The following NCSTN variants were observed in gnomAD, a reference collection of about 807,000 sequenced individuals.
NCSTN encodes nicastrin, also known as anterior pharynx-defective 2.
In NCSTN, 22 loss-of-function variants were observed where a neutral mutation model predicts 87.0. The observed-to-expected ratio is 0.25, with a 90% CI of 0.18 to 0.36. The LOEUF is 0.36. Among genes scored for constraint, NCSTN ranks in the 10% least tolerant of loss-of-function variants. The pLI is 1.00. For synonymous variants in NCSTN, 306 were observed against 327.1 expected, an observed-to-expected ratio of 0.94 and a Z score of 0.69; for missense variants, 693 against 883.3, an observed-to-expected ratio of 0.78 and a Z score of 2.73.
At position 160,356,286 on chromosome 1, in the gene NCSTN, G is replaced by C. The variant is rs773105216; in HGVS notation, c.1578G>C (p.Leu526=). Residue 526 remains leucine, a synonymous_variant, in exon 14 of 17, where the codon CTG becomes CTC. Transcript: ENST00000294785. ...TTACCCGCCTGCTCTATGGGTTCCT[G>C]ATTAAAGCCAACAACTCATGGTTCC... ...QTVTRLLYGF[L]IKANNSWFQS... The C allele has an allele frequency of 6.8e-6, 11 of 1,613,658 alleles. No individual in the cohort carries two copies. The South Asian group carries it at 1.2e-4, about 18-fold the overall frequency.
intron 1 of NCSTN, chr1:160,343,923 C>T: frequency 3.4e-6 from 1 of 294,524 alleles, no homozygotes; most frequent in South Asian, 2.8e-5. Flanking sequence ...TTGATTACAT[C>T]CTAAGTCTGT....
chr1:160,349,677 G>C lies in NCSTN; in HGVS notation c.436+7G>C, dbSNP rs772908757. The C allele has an allele frequency of 3.1e-6, 5 of 1,613,456 alleles. No homozygotes were observed. The East Asian group carries it at 1.1e-4, about 36-fold the overall frequency. ...TGCCCAAATGATGGGTTTGGTAAGTGTCCCAAAGGATCAGGAGAGCCTACT... is the reference window on the plus strand; with the variant it reads ...TGCCCAAATGATGGGTTTGGTAAGTCTCCCAAAGGATCAGGAGAGCCTACT... On this transcript the variant is annotated splice_region_variant and intron_variant, in intron 4 of 16. Transcript: ENST00000294785.
Position 160,354,773 on chromosome 1 carries a change from A to G in NCSTN, c.1352+483A>G, listed in dbSNP as rs148297758. ...CAGTGCGAGGGTAAAAGTGCCTCCT[A>G]TAGCTGATGGGGCTCCAGAGATACA... On this transcript the variant is annotated intron_variant, in intron 11 of 16. Transcript: ENST00000294785. Among the ~76,000 whole-genome samples the G allele has an allele frequency of 3.9e-5, 6 of 152,306 alleles. No individual in the cohort carries two copies. The East Asian group carries it at 9.6e-4, about 24-fold the overall frequency.
Position 160,358,490 on chromosome 1 carries a change from T to G in NCSTN, c.*219T>G. The G allele has an allele frequency of 1.6e-6, 1 of 619,708 alleles. No individual in the cohort carries two copies. Among genetic ancestry groups the G allele is most frequent in the Non-Finnish European group, 2.8e-6 (1 of 352,002 alleles). The allele number at this position is 619,708 out of a possible 1,614,324, so 38.4% of individuals were successfully genotyped here. ...CCCATCACCCCTTCCCCATTTCCTC[T>G]TCCTTCTCTACTCATGCCAGATTTT... On this transcript the variant is annotated 3_prime_UTR_variant, in exon 17 of 17. Coordinates refer to ENST00000294785, the MANE Select transcript of NCSTN (RefSeq NM_015331.3).
chr1:160,349,698 C>T (rs1648730090), intron 4 of NCSTN, 28 bp downstream of exon 4: 1 of 1,612,310 alleles, frequency 6.2e-7, no homozygotes, highest in South Asian at 1.1e-5. Context: ...TCAGGAGAGC[C>T]TACTGTCACC....
chr1:160,351,993 A>T lies in NCSTN; in HGVS notation c.844-61A>T. The T allele has an allele frequency of 1.9e-6, 3 of 1,590,360 alleles. No individual in the cohort carries two copies. The Admixed American group carries it at 5.0e-5, about 27-fold the overall frequency. On this transcript the variant is annotated intron_variant, in intron 7 of 16. Transcript: ENST00000294785. The stretch of plus-strand genomic sequence containing the variant: ...GTATATTCTCTTGACTGGAGCAAGA[A>T]AGGAGGTTTGGGGCCAGTTTTAAAG...
At chr1:160,352,457 A>G (rs576064490) in intron 8 of NCSTN, among the ~76,000 whole-genome samples, 181 of 152,302 alleles carry the variant, frequency 1.2e-3, no homozygotes, top group Non-Finnish European at 2.1e-3. Context: ...CTGATAAGAT[A>G]TATTGGAGGC....
intron 8 of NCSTN, 152 bp from the exon 9 acceptor site, chr1:160,352,735 G>T (rs2101904132): frequency 8.4e-6 from 6 of 713,446 alleles, no homozygotes; most frequent in Middle Eastern, 3.6e-4. Context: ...GGGGCCAAGA[G>T]AAGCCGAAAG....
chr1:160,358,222 C>T lies in NCSTN; in HGVS notation c.2081C>T (p.Ala694Val), dbSNP rs1394861643. Residue 694 changes from alanine (A) to valine (V), a missense_variant, in exon 17 of 17, where the codon GCT (alanine) becomes GTT (valine). Ala to Val is a moderately conservative substitution (Grantham distance 64, BLOSUM62 0). This residue lies in a region of NCSTN where 216 missense variants were observed against 311.7 expected (regional missense o/e 0.69). Coordinates refer to ENST00000294785, the MANE Select transcript of NCSTN (RefSeq NM_015331.3). ...GTCACCTACTGCATCAATGCCAAAG[C>T]TGATGTCCTTTTCATTGCTCCCCGG... is the stretch of plus-strand genomic sequence containing the variant. ...LIVTYCINAK[A>V]DVLFIAPREP... The T allele has an allele frequency of 6.2e-7, 1 of 1,614,042 alleles. No homozygotes were observed. The highest frequency in any genetic ancestry group is 1.3e-5 in the African/African-American group (1 of 74,912).
chr1:160,352,324 C>T (rs139696448), intron 8 of NCSTN, 118 bp downstream of exon 8: 4 of 1,269,096 alleles, frequency 3.2e-6, no homozygotes, highest in Non-Finnish European at 4.5e-6. Context: ...CAGCACAGAG[C>T]TTCTGGATGT....
In NCSTN at chr1:160,349,080, A is replaced by G; in HGVS notation, c.272A>G (p.Asn91Ser). The change falls in exon 3 of 17, where the codon AAC becomes AGC. Residue 91 changes from asparagine (N) to serine (S), a missense_variant. This residue lies in a region of NCSTN where 235 missense variants were observed against 233.9 expected (regional missense o/e 1.00). Coordinates refer to ENST00000294785, the MANE Select transcript of NCSTN (RefSeq NM_015331.3). Reference protein sequence around the residue: ...DLQWVLTDGPNPPYMVLLESK... With the variant: ...DLQWVLTDGPSPPYMVLLESK... ...CAGTGGGTATTGACTGATGGCCCCA[A>G]CCCCCCTTACATGGTTCTGCTGGAG... 6.2e-7 allele frequency: 1 copy of G among 1,614,066 alleles called. No homozygotes were observed. Among genetic ancestry groups the G allele is most frequent in the Non-Finnish European group, 8.5e-7 (1 of 1,179,996 alleles).
At chr1:160,352,322 AGCTTCT>A (rs1648898497) in intron 8 of NCSTN, 116 bp downstream of exon 8, 5 of 1,314,204 alleles carry the variant, frequency 3.8e-6, no homozygotes, top group Non-Finnish European at 5.4e-6. Flanking sequence ...ACCAGCACAG[AGCTTCT>A]GGATGTGTCT....
chr1:160,358,318 G>A lies in NCSTN; in HGVS notation c.*47G>A, dbSNP rs1357207878. The A allele has an allele frequency of 1.9e-6, 3 of 1,612,806 alleles. No homozygotes were observed. Among genetic ancestry groups the A allele is most frequent in the Admixed American group, 3.3e-5 (2 of 60,008 alleles). ...CCAGCTCAGCAGTTCACTTCCTAGA[G>A]CATCTGTCCCACTGGGACACAACCA... On this transcript the variant is annotated 3_prime_UTR_variant, in exon 17 of 17. Transcript: ENST00000294785.
intron 2 of NCSTN, among the ~76,000 whole-genome samples, chr1:160,345,482 CG>C (rs1390911345): frequency 6.6e-6 from 1 of 151,958 alleles, no homozygotes; most frequent in Non-Finnish European, 1.5e-5. Context: ...CGTGAGCCAC[CG>C]CACCCAGCCG....
intron 5 of NCSTN, 85 bp from the exon 6 acceptor site, chr1:160,351,137 A>G: frequency 1.4e-6 from 2 of 1,435,648 alleles, no homozygotes; most frequent in Admixed American, 3.4e-5. Flanking sequence ...TCCCAAAAGG[A>G]TGGAACTGGG....
chr1:160,349,521 C>T (rs368711451), intron 3 of NCSTN, 28 bp from the exon 4 acceptor site: 1 of 1,614,058 alleles, frequency 6.2e-7, no homozygotes, highest in Non-Finnish European at 8.5e-7. Context: ...TTCCTGTGTT[C>T]CTTCATGGAA....
At chr1:160,351,906 C>T (rs758055411) in intron 7 of NCSTN, 101 bp downstream of exon 7, 87 of 1,468,374 alleles carry the variant, frequency 5.9e-5, no homozygotes, top group Non-Finnish European at 7.1e-5. Context: ...AATTGGGAAG[C>T]CTCAAATGGG....
In NCSTN at chr1:160,358,365, C is replaced by T; in HGVS notation, c.*94C>T. 2.6e-6 allele frequency: 4 copies of T among 1,522,062 alleles called. No individual in the cohort carries two copies. Among genetic ancestry groups the T allele is most frequent in the Non-Finnish European group, 3.6e-6 (4 of 1,103,866 alleles). 94.3% of individuals were successfully genotyped at this position (1,522,062 alleles called of 1,614,324 possible). A position where few individuals can be genotyped will look rare whatever the true frequency, so the allele number is the denominator to read the frequency against. ...ACCACTAATTTGTCACTGGAACCTC[C>T]CTGGGCCTGTCTCAGATTGGGATTA... On this transcript the variant is annotated 3_prime_UTR_variant, in exon 17 of 17. Transcript: ENST00000294785.
rs781176603 is a variant in NCSTN, at chr1:160,354,114, C to A, written c.1180-4C>A. On this transcript the variant is annotated splice_region_variant and splice_polypyrimidine_tract_variant and intron_variant, in intron 10 of 16. Transcript: ENST00000294785. ...CATCAGTTAATCTCCCTCGTACCCC[C>A]CAGGTGGAGGATCTCCTGGCCACAT... 6 of 1,614,032 alleles carry A rather than the reference C, an allele frequency of 3.7e-6. No individual in the cohort carries two copies. In the Admixed American group the frequency reaches 1.0e-4, roughly 27 times the overall value.
Sources: allele counts gnomAD v4.1 joint callset (sites outside exome capture counted in the v4.1 genomes callset), GRCh38; gene constraint gnomAD v4.1.1; regional missense constraint gnomAD v4.1.1; transcripts MANE v1.5; gene names NCBI Gene and HGNC (gene_info 2026-07-23, HGNC 2026-07-21).